TENM1: variants seen among roughly 807,000 people sequenced by gnomAD.
TENM1 encodes the protein teneurin transmembrane protein 1.
In TENM1, 35 loss-of-function variants were observed where a neutral mutation model predicts 174.8. The ratio of observed to expected loss-of-function variants is 0.20; its 90% CI spans 0.15 to 0.27. The LOEUF (loss-of-function observed/expected upper bound fraction) is 0.27. Among genes scored for constraint, TENM1 ranks in the 10% least tolerant of loss-of-function variants. The pLI is 1.00. For missense variants in TENM1, 1,633 were observed against 2,130.1 expected, an observed-to-expected ratio of 0.77 and a Z score of 4.59; for synonymous variants, 781 against 798.7, an observed-to-expected ratio of 0.98 and a Z score of 0.37.
At chrX:124,746,741 T>C (rs1483976962) in intron 3 of TENM1, among the ~76,000 whole-genome samples, 1 of 111,465 alleles carries the variant, frequency 9.0e-6, no homozygotes, top group Non-Finnish European at 1.9e-5. Flanking sequence ...AACTAGAATA[T>C]GGCTAATGAA....
chrX:124,588,330 G>A (rs2049610077), intron 11 of TENM1, among the ~76,000 whole-genome samples: 1 of 111,563 alleles, frequency 9.0e-6, no homozygotes, highest in South Asian at 3.8e-4. Flanking sequence ...AAAAAATGTG[G>A]CACATATATG....
At chrX:125,045,749 T>A in the TENM1 span, among the ~76,000 whole-genome samples, 3 of 112,078 alleles carry the variant, frequency 2.7e-5, no homozygotes, top group Admixed American at 9.5e-5. Flanking sequence ...AGACAGTGAA[T>A]AATCGTCACC....
At chrX:124,794,619 C>A (rs780462090) in intron 3 of TENM1, among the ~76,000 whole-genome samples, 5 of 110,986 alleles carry the variant, frequency 4.5e-5, no homozygotes, top group Non-Finnish European at 9.4e-5. Flanking sequence ...CCCCCGCCAA[C>A]CTATTTACTG....
intron 5 of TENM1, among the ~76,000 whole-genome samples, chrX:124,694,129 A>G (rs978820989): frequency 1.8e-5 from 2 of 111,840 alleles, no homozygotes; most frequent in Non-Finnish European, 3.8e-5. Context: ...CCATGCCCTC[A>G]GAGGTTGTGC....
At chrX:125,201,909 G>A in the TENM1 span, among the ~76,000 whole-genome samples, 1 of 111,616 alleles carries the variant, frequency 9.0e-6, no homozygotes, top group Non-Finnish European at 1.9e-5. Context: ...TATGTACTTT[G>A]AGGGTCTTAC....
At chrX:124,439,619 T>A (rs1007060083) in intron 23 of TENM1, among the ~76,000 whole-genome samples, 1 of 111,428 alleles carries the variant, frequency 9.0e-6, no homozygotes, top group Admixed American at 9.5e-5. Flanking sequence ...GACAGATATA[T>A]GCCTCTCTGT....
At chrX:125,001,329 G>C in the TENM1 span, among the ~76,000 whole-genome samples, 1 of 111,181 alleles carries the variant, frequency 9.0e-6, no homozygotes, top group Non-Finnish European at 1.9e-5. Context: ...GGTTGACTGA[G>C]TTAGGTGAGA....
At chrX:124,408,310 T>G (rs2060486404) in intron 25 of TENM1, among the ~76,000 whole-genome samples, 1 of 110,579 alleles carries the variant, frequency 9.0e-6, no homozygotes, top group Non-Finnish European at 1.9e-5. Context: ...ATCTGGCTAA[T>G]TTTTGTATTT....
intron 1 of TENM1, among the ~76,000 whole-genome samples, chrX:124,917,883 A>G (rs984194605): frequency 8.9e-5 from 10 of 112,180 alleles, no homozygotes; most frequent in Non-Finnish European, 1.5e-4. Flanking sequence ...TCACTCTTCC[A>G]TGATAGCCAG....
Position 124,734,728 on chromosome X carries a change from A to G in TENM1, c.776+2229T>C, listed in dbSNP as rs910680780. Among the ~76,000 whole-genome samples, 3 of 111,956 alleles carry G rather than the reference A, an allele frequency of 2.7e-5. No individual in the cohort carries two copies. The Admixed American group carries it at 2.8e-4, about 11-fold the overall frequency. ...AATATGCTGCTAAACAACAAAAACAATAACAACCAGTCTTAGGAGAGTTGA... is the reference window on the plus strand; with the variant it reads ...AATATGCTGCTAAACAACAAAAACAGTAACAACCAGTCTTAGGAGAGTTGA... On this transcript the variant is annotated intron_variant, in intron 4 of 31. Coordinates refer to ENST00000422452, the Ensembl canonical transcript of TENM1.
At chrX:124,959,032 C>G (rs1490060339) in intron 1 of TENM1, among the ~76,000 whole-genome samples, 3 of 111,508 alleles carry the variant, frequency 2.7e-5, no homozygotes, top group Non-Finnish European at 5.6e-5. Context: ...TGATCTAAAA[C>G]TCAATTATTT....
At chrX:124,482,649 C>T (rs989898170) in intron 21 of TENM1, among the ~76,000 whole-genome samples, 5 of 111,764 alleles carry the variant, frequency 4.5e-5, no homozygotes, top group African/African-American at 1.6e-4. Context: ...ATTGTGTAAT[C>T]GCATAGTTAT....
At chrX:124,850,090 G>T (rs1285317202) in intron 3 of TENM1, among the ~76,000 whole-genome samples, 2 of 111,572 alleles carry the variant, frequency 1.8e-5, no homozygotes, top group Non-Finnish European at 3.8e-5. Context: ...AGCTATACCA[G>T]GATTTATACC....
intron 11 of TENM1, among the ~76,000 whole-genome samples, chrX:124,586,939 T>C (rs186433590): frequency 0.014 from 1,550 of 110,601 alleles, 30 homozygotes; most frequent in African/African-American, 0.047. Flanking sequence ...CCATTCACAA[T>C]TGCTTCAAAG....
chrX:124,488,936 G>T (rs1247105755), intron 20 of TENM1, among the ~76,000 whole-genome samples: 2 of 112,724 alleles, frequency 1.8e-5, no homozygotes, highest in Non-Finnish European at 3.7e-5. Flanking sequence ...TAATGTCACT[G>T]TGAATTTGGA....
exon 32 of TENM1, chrX:124,377,452 A>G (rs944211146): frequency 8.9e-6 from 1 of 111,756 alleles, no homozygotes; most frequent in Non-Finnish European, 1.9e-5. Context: ...GTTAGTATGA[A>G]TTGAGATTTA....
intron 3 of TENM1, among the ~76,000 whole-genome samples, chrX:124,749,876 T>A (rs931569876): frequency 6.5e-4 from 73 of 111,803 alleles, no homozygotes; most frequent in African/African-American, 2.2e-3. Flanking sequence ...ATATTAATTA[T>A]AGTATATGTA....
chrX:124,617,199 C>A (rs1048585628), intron 11 of TENM1, among the ~76,000 whole-genome samples: 1 of 111,453 alleles, frequency 9.0e-6, no homozygotes, highest in African/African-American at 3.3e-5. Context: ...TGCCATATGC[C>A]CTAAAAGGCA....
chrX:124,900,776 TTTC>T (rs1268730691), intron 1 of TENM1, among the ~76,000 whole-genome samples: 73 of 108,134 alleles, frequency 6.8e-4, no homozygotes, highest in African/African-American at 2.3e-3. Flanking sequence ...TTTTTCTTTC[TTTC>T]TTCTTCTTCT....
Sources: allele counts gnomAD v4.1 joint callset (sites outside exome capture counted in the v4.1 genomes callset), GRCh38; gene constraint gnomAD v4.1.1; transcripts MANE v1.5; gene names NCBI Gene and HGNC (gene_info 2026-07-23, HGNC 2026-07-21).